The following ETV6 variants were observed in gnomAD, a reference collection of about 807,000 sequenced individuals.
ETV6 encodes the protein ETS variant transcription factor 6.
Under a neutral mutation model 51.1 loss-of-function variants are expected in ETV6, and 16 were observed. The observed-to-expected ratio is 0.31, with a 90% CI of 0.21 to 0.48. The LOEUF is 0.48. ETV6 is among the 20% of genes least tolerant of loss of function. The pLI, the probability that ETV6 is intolerant of heterozygous loss-of-function variation, is 0.99. For missense variants in ETV6, 458 were observed against 594.8 expected, an observed-to-expected ratio of 0.77 and a Z score of 2.39; for synonymous variants, 240 against 224.1, an observed-to-expected ratio of 1.07 and a Z score of -0.64.
chr12:11,774,283 A>G (rs1171717456), intron 2 of ETV6, among the ~76,000 whole-genome samples: 2 of 152,088 alleles, frequency 1.3e-5, no homozygotes, highest in Non-Finnish European at 2.9e-5. Context: ...AACTGCCTGG[A>G]TTTCATTTTG....
At chr12:11,679,099 A>G (rs1040492118) in intron 1 of ETV6, among the ~76,000 whole-genome samples, 3 of 152,238 alleles carry the variant, frequency 2.0e-5, no homozygotes, top group Non-Finnish European at 2.9e-5. Context: ...TATTAATGTC[A>G]TTGAGGTTGA....
intron 3 of ETV6, among the ~76,000 whole-genome samples, chr12:11,852,365 T>C (rs1946569265): frequency 6.6e-6 from 1 of 152,246 alleles, no homozygotes; most frequent in Admixed American, 6.5e-5. Context: ...GAGCAATGCC[T>C]GTGTGCATTT....
intron 1 of ETV6, among the ~76,000 whole-genome samples, chr12:11,677,588 G>A (rs148797181): frequency 2.0e-5 from 3 of 152,182 alleles, no homozygotes; most frequent in African/African-American, 7.2e-5. Flanking sequence ...CAGTGAGTTG[G>A]ATTGATTGGA....
intron 5 of ETV6, among the ~76,000 whole-genome samples, chr12:11,878,828 GA>G (rs58898825): frequency 1.4e-5 from 2 of 139,852 alleles, no homozygotes; most frequent in African/African-American, 5.7e-5. Context: ...AGGAGGAGGG[GA>G]AAAAAAAAAA....
rs1359255475 is a variant in ETV6, at chr12:11,702,144, A to G, written c.34-50306A>G. Among the ~76,000 whole-genome samples the G allele has an allele frequency of 2.6e-5, 4 of 152,112 alleles. No homozygotes were observed. In the East Asian group the frequency reaches 7.7e-4, roughly 29 times the overall value. On this transcript the variant is annotated intron_variant, in intron 1 of 7. Transcript: ENST00000396373. ...AATGGGAGAGACCACTGTGTGGGGC[A>G]AATGGGAAGGGAGCGTGGTTGCAGC... is the stretch of plus-strand genomic sequence containing the variant.
intron 7 of ETV6, 108 bp downstream of exon 7, chr12:11,886,134 C>A: frequency 1.3e-6 from 1 of 750,048 alleles, no homozygotes; most frequent in East Asian, 2.5e-5. Flanking sequence ...ATCGGATACC[C>A]AAAGCCAATC....
At chr12:11,838,267 C>T (rs927988487) in intron 2 of ETV6, among the ~76,000 whole-genome samples, 2 of 152,210 alleles carry the variant, frequency 1.3e-5, no homozygotes, top group Non-Finnish European at 1.5e-5. Context: ...ACAAAGGTCT[C>T]GGGAACCCTG....
At chr12:11,835,259 C>T (rs892886167) in intron 2 of ETV6, among the ~76,000 whole-genome samples, 1 of 152,174 alleles carries the variant, frequency 6.6e-6, no homozygotes, top group African/African-American at 2.4e-5. Flanking sequence ...AACTAATTGG[C>T]ATTAAAAATG....
chr12:11,680,797 G>C (rs1864513166), intron 1 of ETV6, among the ~76,000 whole-genome samples: 1 of 152,172 alleles, frequency 6.6e-6, no homozygotes, highest in Non-Finnish European at 1.5e-5. Flanking sequence ...TCCCTAGCCT[G>C]TCTCCCTCTA....
chr12:11,817,803 C>T (rs778006652), intron 2 of ETV6, among the ~76,000 whole-genome samples: 10 of 152,020 alleles, frequency 6.6e-5, no homozygotes, highest in African/African-American at 1.2e-4. Flanking sequence ...CACTGCCTAG[C>T]GGGAAAAAAG....
At chr12:11,792,745 A>G (rs1945620621) in intron 2 of ETV6, among the ~76,000 whole-genome samples, 1 of 152,136 alleles carries the variant, frequency 6.6e-6, no homozygotes. Context: ...ATGGGGTTCA[A>G]TTTTCATTCA....
intron 1 of ETV6, among the ~76,000 whole-genome samples, chr12:11,713,865 G>C (rs1354120785): frequency 6.6e-6 from 1 of 152,164 alleles, no homozygotes; most frequent in Non-Finnish European, 1.5e-5. Flanking sequence ...TTATAAGGAA[G>C]AGACTCAGCA....
intron 1 of ETV6, among the ~76,000 whole-genome samples, chr12:11,680,916 T>C (rs1864516147): frequency 6.6e-6 from 1 of 152,254 alleles, no homozygotes; most frequent in Non-Finnish European, 1.5e-5. Flanking sequence ...CTTTCTGTTC[T>C]TTAAAATCTT....
intron 7 of ETV6, among the ~76,000 whole-genome samples, chr12:11,888,402 T>TCTTTTCTTTTTTC (rs1212288656): frequency 1.4e-5 from 2 of 141,478 alleles, no homozygotes; most frequent in African/African-American, 5.4e-5. Flanking sequence ...TCTTTTCTTT[T>TCTTTTCTTTTTTC]TTTTTTTTTT....
At position 11,891,689 on chromosome 12, in the gene ETV6, G is replaced by T. The variant is rs1198645224; in HGVS notation, c.*643G>T. On this transcript the variant is annotated 3_prime_UTR_variant, in exon 8 of 8. Coordinates refer to ENST00000396373, the MANE Select transcript of ETV6 (RefSeq NM_001987.5). ...CTCTGTTCTTCCCTTGGTCCCCTCT[G>T]TCCTCCCGCCCTGCCTGCAGTTGAG... 6.2e-6 allele frequency: 3 copies of T among 486,092 alleles called. No homozygotes were observed. In the East Asian group the frequency reaches 1.2e-4, roughly 20 times the overall value. 30.1% of individuals were successfully genotyped at this position (486,092 alleles called of 1,614,324 possible). A position where few individuals can be genotyped will look rare whatever the true frequency, so the allele number is the denominator to read the frequency against.
At chr12:11,696,642 C>T (rs1591615488) in intron 1 of ETV6, among the ~76,000 whole-genome samples, 1 of 152,156 alleles carries the variant, frequency 6.6e-6, no homozygotes, top group East Asian at 1.9e-4. Flanking sequence ...GTGGTGAAAC[C>T]CCATCTCAAC....
At chr12:11,889,187 G>A (rs914951346) in intron 7 of ETV6, among the ~76,000 whole-genome samples, 1 of 152,136 alleles carries the variant, frequency 6.6e-6, no homozygotes, top group Admixed American at 6.6e-5. Context: ...GATGTGGAGG[G>A]AGAAATTTTA....
rs530421170 is a variant in ETV6 at position 11,816,306 on chromosome 12, G to A, written c.164-22834G>A. The stretch of plus-strand genomic sequence containing the variant: ...GTCACCCAGGCTGGAGTGCAATGGC[G>A]CCGTCTCGGCTCACTGCAACCTCTG... On this transcript the variant is annotated intron_variant, in intron 2 of 7. Transcript: ENST00000396373. Among the ~76,000 whole-genome samples the A allele has an allele frequency of 5.4e-4, 83 of 152,310 alleles. No individual in the cohort carries two copies. In the South Asian group the frequency reaches 0.016, roughly 29 times the overall value.
chr12:11,871,047 C>T (rs930517060), intron 5 of ETV6, among the ~76,000 whole-genome samples: 2 of 152,116 alleles, frequency 1.3e-5, no homozygotes, highest in Non-Finnish European at 2.9e-5. Context: ...GAGAACGGAC[C>T]TGTTCAGGGA....
Sources: allele counts gnomAD v4.1 joint callset (sites outside exome capture counted in the v4.1 genomes callset), GRCh38; gene constraint gnomAD v4.1.1; transcripts MANE v1.5; gene names NCBI Gene and HGNC (gene_info 2026-07-23, HGNC 2026-07-21).